The following PAX2 variants were observed in gnomAD, a reference collection of about 807,000 sequenced individuals.
The protein encoded by PAX2 is paired box 2, also known as paired box protein Pax-2.
Under a neutral mutation model 41.7 loss-of-function variants are expected in PAX2, and 9 were observed. The ratio of observed to expected loss-of-function variants is 0.22; its 90% CI spans 0.13 to 0.38. The LOEUF (loss-of-function observed/expected upper bound fraction) is 0.38. Among genes scored for constraint, PAX2 ranks in the 10% least tolerant of loss-of-function variants. PAX2 has a pLI of 1.00. For missense variants in PAX2, 418 were observed against 531.6 expected (o/e 0.79, Z 2.10); for synonymous variants, 221 against 212.7 (o/e 1.04, Z -0.34).
At chr10:100,737,094 C>T (rs74152633) in intron 1 of PAX2, among the ~76,000 whole-genome samples, 338 of 152,300 alleles carry the variant, frequency 2.2e-3, no homozygotes, top group African/African-American at 7.8e-3. Context: ...TGCCCTCCTT[C>T]TTTCCCTTTC....
intron 7 of PAX2, among the ~76,000 whole-genome samples, chr10:100,823,000 T>G (rs1195824779): frequency 6.6e-6 from 1 of 152,132 alleles, no homozygotes; most frequent in East Asian, 1.9e-4. Context: ...GGGAAGAATG[T>G]GGAGTCAGGG....
Position 100,758,387 on chromosome 10 carries a change from G to A in PAX2, c.410+7496G>A, listed in dbSNP as rs867264627. On this transcript the variant is annotated intron_variant, in intron 3 of 9. Transcript: ENST00000355243. ...GATCTCCTGACCTCGTGATCCGCCC[G>A]CCTCGGCCTCCCAGATTGCTGGGAT... 3.9e-5 allele frequency among the ~76,000 whole-genome samples: 6 copies of A among 152,228 alleles called. No homozygotes were observed. The East Asian group carries it at 7.7e-4, about 20-fold the overall frequency.
At chr10:100,785,023 T>A (rs1846791407) in intron 5 of PAX2, among the ~76,000 whole-genome samples, 1 of 152,202 alleles carries the variant, frequency 6.6e-6, no homozygotes, top group East Asian at 1.9e-4. Context: ...AGGCTGTCCA[T>A]CAGTCCGAGA....
chr10:100,814,965 G>A (rs1225341755), intron 7 of PAX2, among the ~76,000 whole-genome samples: 1 of 152,232 alleles, frequency 6.6e-6, no homozygotes, highest in African/African-American at 2.4e-5. Flanking sequence ...GACAGCAGCA[G>A]GGACCAGTGT....
upstream of PAX2, among the ~76,000 whole-genome samples, chr10:100,741,933 G>T (rs562643487): frequency 1.4e-4 from 21 of 152,316 alleles, no homozygotes; most frequent in African/African-American, 5.1e-4. Context: ...CCCGGTCCTA[G>T]CTCCCCTAGC....
chr10:100,806,144 C>T (rs1847772917), intron 5 of PAX2, among the ~76,000 whole-genome samples: 1 of 152,148 alleles, frequency 6.6e-6, no homozygotes, highest in South Asian at 2.1e-4. Flanking sequence ...CTCCTGGGAG[C>T]CCCCTGGCTC....
chr10:100,806,309 G>T, intron 5 of PAX2, 121 bp from the exon 6 acceptor site: 1 of 997,988 alleles, frequency 1.0e-6, no homozygotes, highest in Non-Finnish European at 1.6e-6. Context: ...TGAGAGTAAG[G>T]GGTCCCATAG....
chr10:100,778,287 C>G (rs1196851272), intron 3 of PAX2, among the ~76,000 whole-genome samples: 1 of 152,216 alleles, frequency 6.6e-6, no homozygotes, highest in African/African-American at 2.4e-5. Context: ...ATCAATTTCC[C>G]TCTGTTCAGC....
In PAX2 at chr10:100,828,868, A is replaced by G. The variant is rs911829140; in HGVS notation, c.*1249A>G. The stretch of plus-strand genomic sequence containing the variant: ...CACCAGGCTGCTGCTTTGTGGAAAG[A>G]CGGTGTGTGTCGTGTGAAGGCGAAA... On this transcript the variant is annotated 3_prime_UTR_variant, in exon 10 of 10. Transcript: ENST00000355243. This position sits in a 1 kb window ranked among gnomAD's most constrained non-coding sequence, Gnocchi z 6.5. The G allele has an allele frequency of 4.3e-6, 1 of 231,524 alleles. No individual in the cohort carries two copies. The highest frequency in any genetic ancestry group is 2.2e-5 in the African/African-American group (1 of 45,220). The allele number at this position is 231,524 out of a possible 1,614,324, so 14.3% of individuals were successfully genotyped here.
At chr10:100,735,852 C>A (rs1844765677) in intron 1 of PAX2, 2 of 657,518 alleles carry the variant, frequency 3.0e-6, no homozygotes, top group South Asian at 6.9e-5. Flanking sequence ...ACCCGGCGGG[C>A]GACGTGAAGG....
chr10:100,738,403 T>A (rs1166115911), intron 1 of PAX2, among the ~76,000 whole-genome samples: 1 of 152,142 alleles, frequency 6.6e-6, no homozygotes. Flanking sequence ...GGGGAGGTGC[T>A]GGATATGGGT....
chr10:100,749,292 C>A (rs932844293), intron 1 of PAX2: 10 of 999,588 alleles, frequency 1.0e-5, no homozygotes, highest in Non-Finnish European at 1.2e-5. Context: ...GCCCCCAAAT[C>A]GTCCGCCTCC....
chr10:100,747,787 C>T (rs1190064503), intron 1 of PAX2: 2 of 985,010 alleles, frequency 2.0e-6, no homozygotes, highest in Non-Finnish European at 2.4e-6. Context: ...GGCCGGAAAG[C>T]CTCGGTCCTT....
chr10:100,815,626 G>A (rs534233818), intron 7 of PAX2, among the ~76,000 whole-genome samples: 43 of 152,190 alleles, frequency 2.8e-4, no homozygotes, highest in African/African-American at 9.9e-4. Context: ...ACAGATATGC[G>A]GCTGCTCTCG....
chr10:100,747,120 C>G (rs910862097), intron 1 of PAX2: 1 of 152,296 alleles, frequency 6.6e-6, no homozygotes, highest in African/African-American at 2.4e-5. Flanking sequence ...GAGCCAGCAG[C>G]GCAGCCTTCC....
chr10:100,745,792 C>G lies in PAX2; in HGVS notation c.-469C>G. 1 of 1,069,924 alleles carries G rather than the reference C, an allele frequency of 9.3e-7. No homozygotes were observed. The highest frequency in any genetic ancestry group is 1.1e-6 in the Non-Finnish European group (1 of 883,240). The allele number at this position is 1,069,924 out of a possible 1,614,324, so 66.3% of individuals were successfully genotyped here. A position where few individuals can be genotyped will look rare whatever the true frequency, so the allele number is the denominator to read the frequency against. Reference sequence around the variant, plus strand: ...ATTGCTACTTCTCTGCCAACTTCGCCAACTCGCCAGCACTTGGAGAGGCCC... The same window carrying G: ...ATTGCTACTTCTCTGCCAACTTCGCGAACTCGCCAGCACTTGGAGAGGCCC... On this transcript the variant is annotated 5_prime_UTR_variant, in exon 1 of 10. Coordinates refer to ENST00000355243, the MANE Select transcript of PAX2 (RefSeq NM_000278.5).
upstream of PAX2, among the ~76,000 whole-genome samples, chr10:100,743,238 C>A (rs1376252363): frequency 6.6e-6 from 1 of 152,106 alleles, no homozygotes; most frequent in Non-Finnish European, 1.5e-5. Context: ...TCAGAAGGTG[C>A]ATGTGAAGGA....
intron 5 of PAX2, among the ~76,000 whole-genome samples, chr10:100,805,689 C>T (rs973089351): frequency 1.3e-5 from 2 of 152,176 alleles, no homozygotes; most frequent in South Asian, 4.1e-4. Context: ...AAACTGGCTC[C>T]TGTAGGAGGC....
intron 3 of PAX2, among the ~76,000 whole-genome samples, chr10:100,753,277 T>C (rs142381751): frequency 2.6e-5 from 4 of 152,320 alleles, no homozygotes; most frequent in African/African-American, 7.2e-5. Flanking sequence ...GAAAGAATTC[T>C]GGGGGCTTCC....
Sources: gnomAD v4.1 joint callset for allele counts (sites outside exome capture counted in the v4.1 genomes callset) on GRCh38, gnomAD v4.1.1 for gene constraint, Gnocchi (gnomAD v3.1) non-coding constraint, MANE v1.5 for transcripts, NCBI Gene and HGNC (gene_info 2026-07-23, HGNC 2026-07-21) for gene names.